PRKX: variants seen among roughly 807,000 people sequenced by gnomAD.
PRKX encodes the protein protein kinase cAMP-dependent X-linked catalytic subunit.
Under a neutral mutation model 22.0 loss-of-function variants are expected in PRKX, and 12 were observed. The observed-to-expected ratio is 0.54, with a 90% CI of 0.35 to 0.88. The LOEUF is 0.88. Among genes scored for constraint, PRKX ranks in the 40% least tolerant of loss-of-function variants. The probability of loss-of-function intolerance (pLI) is 0.01; values close to 1 mark genes in which losing one functional copy is unlikely to be tolerated. For missense variants in PRKX, 217 were observed against 308.0 expected (o/e 0.70, Z 2.21); for synonymous variants, 134 against 137.7 (o/e 0.97, Z 0.19).
intron 1 of PRKX, among the ~76,000 whole-genome samples, chrX:3,687,474 C>T (rs1464003486): frequency 4.5e-5 from 5 of 111,682 alleles, no homozygotes; most frequent in Admixed American, 9.6e-5. Context: ...GGATTATACA[C>T]CTAAGAGGTA....
At chrX:3,698,922 A>G (rs1207674118) in intron 1 of PRKX, among the ~76,000 whole-genome samples, 2 of 105,622 alleles carry the variant, frequency 1.9e-5, no homozygotes, top group African/African-American at 3.5e-5. Flanking sequence ...TGGAGAATCT[A>G]TCCCAGACCA....
intron 5 of PRKX, among the ~76,000 whole-genome samples, chrX:3,626,151 G>A (rs944415363): frequency 8.9e-6 from 1 of 112,030 alleles, no homozygotes; most frequent in Admixed American, 9.6e-5. Context: ...AAAATACGAT[G>A]ACAAACTCGT....
intron 1 of PRKX, among the ~76,000 whole-genome samples, chrX:3,699,353 TTTTTC>T (rs1456514711): frequency 9.3e-6 from 1 of 107,392 alleles, no homozygotes; most frequent in Non-Finnish European, 1.9e-5. Context: ...AAAGTTTTTC[TTTTTC>T]TTTTCTTTTT....
At chrX:3,703,891 T>C (rs1285619673) in intron 1 of PRKX, among the ~76,000 whole-genome samples, 1 of 109,489 alleles carries the variant, frequency 9.1e-6, no homozygotes, top group Non-Finnish European at 1.9e-5. Context: ...AAGGCTGGTT[T>C]CGAACTCCTG....
intron 1 of PRKX, among the ~76,000 whole-genome samples, chrX:3,675,088 G>A (rs1353576439): frequency 9.0e-6 from 1 of 111,711 alleles, no homozygotes; most frequent in East Asian, 2.8e-4. Flanking sequence ...TTCGCACACA[G>A]CACACCCACA....
At chrX:3,684,066 C>A (rs1399321959) in intron 1 of PRKX, among the ~76,000 whole-genome samples, 2 of 111,041 alleles carry the variant, frequency 1.8e-5, no homozygotes, top group Non-Finnish European at 3.8e-5. Flanking sequence ...GCCTGACCAA[C>A]ATGGTGAAAC....
chrX:3,708,870 G>A (rs1928732346), intron 1 of PRKX, among the ~76,000 whole-genome samples: 1 of 106,995 alleles, frequency 9.3e-6, no homozygotes, highest in African/African-American at 3.4e-5. Flanking sequence ...AAAAAGTGTC[G>A]AGCAAGACCG....
At chrX:3,680,853 G>A (rs961251335) in intron 1 of PRKX, among the ~76,000 whole-genome samples, 10 of 111,292 alleles carry the variant, frequency 9.0e-5, no homozygotes, top group Non-Finnish European at 1.7e-4. Flanking sequence ...AGGAGTTCTC[G>A]ACCAGCTTGG....
chrX:3,618,067 A>AG (rs1926471546), intron 6 of PRKX, among the ~76,000 whole-genome samples: 1 of 86,619 alleles, frequency 1.2e-5, no homozygotes, highest in East Asian at 4.0e-4. Context: ...AAAAAAAAAA[A>AG]AGAGAGAGAG....
At position 3,630,699 on chromosome X, in the gene PRKX, G is replaced by A. The variant is rs755784419; in HGVS notation, c.720-4185C>T. On this transcript the variant is annotated intron_variant, in intron 4 of 8. Transcript: ENST00000262848. ...TACATGGTGGCAGATGAGTGAAAGCGAGCAAAGGGGGAAGTACTACACTTT... is the reference window on the plus strand; with the variant it reads ...TACATGGTGGCAGATGAGTGAAAGCAAGCAAAGGGGGAAGTACTACACTTT... Among the ~76,000 whole-genome samples the A allele has an allele frequency of 2.3e-3, 259 of 111,826 alleles. 1 individual carries two copies. Among genetic ancestry groups the A allele is most frequent in the Non-Finnish European group, 3.7e-3 (196 of 53,171 alleles).
intron 2 of PRKX, among the ~76,000 whole-genome samples, chrX:3,665,093 C>T: frequency 1.8e-5 from 2 of 111,285 alleles, no homozygotes; most frequent in East Asian, 5.8e-4. Context: ...GGGGCGCGCG[C>T]GTGTGTGTGT....
chrX:3,609,576 T>C (rs1343945686), intron 8 of PRKX, among the ~76,000 whole-genome samples: 1 of 111,386 alleles, frequency 9.0e-6, no homozygotes, highest in African/African-American at 3.3e-5. Flanking sequence ...CACCTCAGCC[T>C]CTAGAATAGC....
chrX:3,687,845 G>A (rs1165049917), intron 1 of PRKX, among the ~76,000 whole-genome samples: 25 of 111,751 alleles, frequency 2.2e-4, no homozygotes, highest in Non-Finnish European at 3.6e-4. Context: ...CAGTGGCTCC[G>A]CTGAGACACC....
intron 2 of PRKX, among the ~76,000 whole-genome samples, chrX:3,655,806 A>G (rs1337939929): frequency 8.9e-6 from 1 of 112,284 alleles, no homozygotes; most frequent in African/African-American, 3.2e-5. Context: ...AGATGTTAGG[A>G]TATGGTTGCA....
chrX:3,637,745 TAATTA>T (rs1229564015), intron 4 of PRKX, among the ~76,000 whole-genome samples: 1 of 107,723 alleles, frequency 9.3e-6, no homozygotes, highest in Non-Finnish European at 1.9e-5. Context: ...TCATTTAATT[TAATTA>T]TTCATTTTCT....
At chrX:3,637,476 C>A (rs757600382) in intron 4 of PRKX, among the ~76,000 whole-genome samples, 85 of 111,011 alleles carry the variant, frequency 7.7e-4, no homozygotes, top group African/African-American at 2.6e-3. Context: ...GTGGTCCAGG[C>A]GAGCTCAGGC....
At chrX:3,634,205 G>A (rs1233077590) in intron 4 of PRKX, among the ~76,000 whole-genome samples, 11 of 110,670 alleles carry the variant, frequency 9.9e-5, no homozygotes, top group African/African-American at 3.3e-4. Flanking sequence ...AGCCGAGATC[G>A]CGCCACTACA....
At chrX:3,626,658 A>T in intron 4 of PRKX, 144 bp from the exon 5 acceptor site, 1 of 514,022 alleles carries the variant, frequency 1.9e-6, no homozygotes, top group Non-Finnish European at 3.4e-6. Context: ...AGTTGTCACG[A>T]TCTGAAAGCA....
chrX:3,711,212 G>A (rs1298372638), intron 1 of PRKX, among the ~76,000 whole-genome samples: 2 of 110,098 alleles, frequency 1.8e-5, no homozygotes, highest in Non-Finnish European at 3.8e-5. Context: ...CAATGAGTGT[G>A]GGATACCTAG....
Sources: allele counts gnomAD v4.1 joint callset (sites outside exome capture counted in the v4.1 genomes callset), GRCh38; gene constraint gnomAD v4.1.1; transcripts MANE v1.5; gene names NCBI Gene and HGNC (gene_info 2026-07-23, HGNC 2026-07-21).